CTNNA3: variants seen among roughly 807,000 people sequenced by gnomAD.
The protein encoded by CTNNA3 is catenin alpha-3.
CTNNA3 carries 76 observed loss-of-function variants against 95.7 expected under a neutral mutation model. The ratio of observed to expected loss-of-function variants is 0.79; its 90% CI spans 0.66 to 0.96. CTNNA3 has a LOEUF of 0.96. Ranked by LOEUF, CTNNA3 falls within the 40% of genes least tolerant of loss-of-function variation. The probability of loss-of-function intolerance (pLI) is 0.00; values close to 1 mark genes in which losing one functional copy is unlikely to be tolerated. For synonymous variants in CTNNA3, 431 were observed against 374.4 expected, an observed-to-expected ratio of 1.15 and a Z score of -1.74; for missense variants, 1,191 against 1,089.8, an observed-to-expected ratio of 1.09 and a Z score of -1.31.
At chr10:66,874,705 C>A (rs1844548923) in intron 7 of CTNNA3, among the ~76,000 whole-genome samples, 1 of 152,144 alleles carries the variant, frequency 6.6e-6, no homozygotes, top group Non-Finnish European at 1.5e-5. Context: ...ATATACCAAT[C>A]TATATAATTT....
At chr10:67,569,116 T>C (rs141066876) in intron 3 of CTNNA3, among the ~76,000 whole-genome samples, 214 of 152,270 alleles carry the variant, frequency 1.4e-3, no homozygotes, top group Non-Finnish European at 2.0e-3. Flanking sequence ...ACTGATGAGA[T>C]AATTAGCTAC....
chr10:66,479,261 T>C (rs2131895805), intron 11 of CTNNA3, among the ~76,000 whole-genome samples: 1 of 151,552 alleles, frequency 6.6e-6, no homozygotes, highest in African/African-American at 2.4e-5. Context: ...TTGAAGTCTA[T>C]ATCCTCAATT....
At chr10:67,486,756 G>T (rs1240553734) in intron 5 of CTNNA3, among the ~76,000 whole-genome samples, 1 of 152,090 alleles carries the variant, frequency 6.6e-6, no homozygotes, top group Non-Finnish European at 1.5e-5. Flanking sequence ...TACATTTGTG[G>T]AAATAGATAA....
rs576092059 is a variant in CTNNA3, at chr10:66,687,651, C to A, written c.1282-65867G>T. The stretch of plus-strand genomic sequence containing the variant: ...GAACTGTTCTGAATTCTTTCTTCTA[C>A]CTTTTTTTCTCACCTTAAAAACTCT... On this transcript the variant is annotated intron_variant, in intron 9 of 17. Coordinates refer to ENST00000433211, the MANE Select transcript of CTNNA3 (RefSeq NM_013266.4). Among the ~76,000 whole-genome samples the A allele has an allele frequency of 6.6e-5, 10 of 151,592 alleles. 1 individual carries two copies. In the South Asian group the frequency reaches 1.5e-3, roughly 22 times the overall value.
chr10:67,114,868 G>C (rs951866004), intron 7 of CTNNA3, among the ~76,000 whole-genome samples: 4 of 151,958 alleles, frequency 2.6e-5, no homozygotes, highest in African/African-American at 9.7e-5. Flanking sequence ...ATCTTGGCTT[G>C]GGTCTGAAGC....
chr10:67,717,561 T>C (rs975140151), intron 1 of CTNNA3, among the ~76,000 whole-genome samples: 1 of 152,210 alleles, frequency 6.6e-6, no homozygotes, highest in Admixed American at 6.5e-5. Flanking sequence ...CCAACACCAT[T>C]TATTAAATAG....
At chr10:67,599,740 A>T (rs970442207) in intron 3 of CTNNA3, among the ~76,000 whole-genome samples, 1 of 152,162 alleles carries the variant, frequency 6.6e-6, no homozygotes, top group African/African-American at 2.4e-5. Flanking sequence ...ATCCACAATA[A>T]ATGTAGAGAT....
chr10:67,204,181 T>C (rs1863781446), intron 6 of CTNNA3, among the ~76,000 whole-genome samples: 1 of 152,156 alleles, frequency 6.6e-6, no homozygotes, highest in Admixed American at 6.6e-5. Context: ...GCTGATATGG[T>C]TTGGATACGC....
chr10:66,490,124 G>T (rs559545459), intron 11 of CTNNA3, among the ~76,000 whole-genome samples: 1 of 152,142 alleles, frequency 6.6e-6, no homozygotes, highest in East Asian at 1.9e-4. Context: ...ACTAACTTTG[G>T]TGCCTCATTT....
chr10:65,940,681 T>C (rs1403647495), intron 17 of CTNNA3, among the ~76,000 whole-genome samples: 1 of 152,188 alleles, frequency 6.6e-6, no homozygotes, highest in African/African-American at 2.4e-5. Flanking sequence ...TGAAACAATT[T>C]TTTTTTCTGA....
chr10:66,067,731 T>C (rs1177198264), intron 15 of CTNNA3, among the ~76,000 whole-genome samples: 7 of 151,840 alleles, frequency 4.6e-5, no homozygotes, highest in Non-Finnish European at 8.8e-5. Flanking sequence ...GCCACACCAA[T>C]ATGGTGAAAC....
At chr10:67,060,680 CTCT>C (rs1311851693) in intron 7 of CTNNA3, among the ~76,000 whole-genome samples, 3 of 152,072 alleles carry the variant, frequency 2.0e-5, no homozygotes, top group Admixed American at 1.3e-4. Context: ...CTCTCTCTCT[CTCT>C]TCTTCTACCA....
chr10:67,110,025 G>A (rs1275189074), intron 7 of CTNNA3, among the ~76,000 whole-genome samples: 1 of 152,136 alleles, frequency 6.6e-6, no homozygotes, highest in East Asian at 1.9e-4. Context: ...AGGCAGCCAT[G>A]AGAATTCCCA....
At chr10:67,164,057 A>G (rs1331546753) in intron 7 of CTNNA3, among the ~76,000 whole-genome samples, 1 of 150,258 alleles carries the variant, frequency 6.7e-6, no homozygotes, top group African/African-American at 2.5e-5. Context: ...CTAAATTGAT[A>G]TACAAGTTTT....
intron 7 of CTNNA3, among the ~76,000 whole-genome samples, chr10:66,905,450 C>T (rs936385629): frequency 1.3e-5 from 2 of 152,130 alleles, no homozygotes; most frequent in Non-Finnish European, 2.9e-5. Context: ...AGCAAGCCAA[C>T]ATGCCACATG....
At position 66,343,207 on chromosome 10, in the gene CTNNA3, A is replaced by G. The variant is rs1055318715; in HGVS notation, c.1732+35945T>C. 3.0e-4 allele frequency among the ~76,000 whole-genome samples: 46 copies of G among 152,138 alleles called. 1 individual carries two copies. The highest frequency in any genetic ancestry group is 5.6e-4 in the Non-Finnish European group (38 of 67,994). ...TACAAATAGGACCCCAATATGATCCAGCAATCCTGGTACTGGTAATTTATC... is the reference window on the plus strand; with the variant it reads ...TACAAATAGGACCCCAATATGATCCGGCAATCCTGGTACTGGTAATTTATC... On this transcript the variant is annotated intron_variant, in intron 12 of 17. Transcript: ENST00000433211.
intron 2 of CTNNA3, among the ~76,000 whole-genome samples, chr10:67,623,020 C>T (rs758246599): frequency 3.3e-5 from 5 of 152,162 alleles, no homozygotes; most frequent in African/African-American, 4.8e-5. Flanking sequence ...ACGTGCCCTA[C>T]AAGAACACTC....
intron 13 of CTNNA3, among the ~76,000 whole-genome samples, chr10:66,172,618 T>C (rs906182604): frequency 4.6e-5 from 7 of 152,262 alleles, no homozygotes; most frequent in Non-Finnish European, 8.8e-5. Context: ...ATTCATTGCA[T>C]CTATGATAAA....
chr10:66,792,193 T>A (rs1840998787), intron 7 of CTNNA3, among the ~76,000 whole-genome samples: 2 of 152,194 alleles, frequency 1.3e-5, no homozygotes, highest in Non-Finnish European at 2.9e-5. Flanking sequence ...AAATGGGTAA[T>A]CTACATTTGG....
Sources: gnomAD v4.1 joint callset for allele counts (sites outside exome capture counted in the v4.1 genomes callset) on GRCh38, gnomAD v4.1.1 for gene constraint, MANE v1.5 for transcripts, NCBI Gene and HGNC (gene_info 2026-07-23, HGNC 2026-07-21) for gene names.